Variants in ZAP70 observed in about 807,000 individuals in gnomAD.
The protein encoded by ZAP70 is zeta chain of T cell receptor associated protein kinase 70.
ZAP70 carries 27 observed loss-of-function variants against 65.8 expected under a neutral mutation model. The ratio of observed to expected loss-of-function variants is 0.41; its 90% CI spans 0.30 to 0.57. The LOEUF is 0.57. Ranked by LOEUF, ZAP70 falls within the 20% of genes least tolerant of loss-of-function variation. ZAP70 has a pLI of 0.28. For missense variants in ZAP70, 696 were observed against 870.5 expected (o/e 0.80, Z 2.52); for synonymous variants, 363 against 360.8 (o/e 1.01, Z -0.07).
chr2:97,729,273 G>A (rs1283027590), intron 4 of ZAP70, among the ~76,000 whole-genome samples: 1 of 152,240 alleles, frequency 6.6e-6, no homozygotes, highest in Non-Finnish European at 1.5e-5. Context: ...CCGAGGCACA[G>A]CGAGGATAAG....
In ZAP70 at chr2:97,739,455, G is replaced by T; in HGVS notation, c.1817G>T (p.Gly606Val). 3 of 1,613,762 alleles carry T rather than the reference G, an allele frequency of 1.9e-6. No individual in the cohort carries two copies. Among genetic ancestry groups the T allele is most frequent in the Non-Finnish European group, 2.5e-6 (3 of 1,179,938 alleles). Residue 606 changes from glycine to valine, a missense_variant, in exon 14 of 14, where the codon GGG becomes GTG. By Grantham distance (109) the Gly-to-Val change is moderately radical (BLOSUM62 -3). This residue lies in a region of ZAP70 where 78 missense variants were observed against 88.6 expected (regional missense o/e 0.88). Coordinates refer to ENST00000264972, the MANE Select transcript of ZAP70 (RefSeq NM_001079.4). ...CYYSLASKVEGPPGSTQKAEA... is the reference protein window; with the variant it reads ...CYYSLASKVEVPPGSTQKAEA... ...TACAGCCTGGCCAGCAAGGTGGAAG[G>T]GCCCCCAGGCAGCACACAGAAGGCT...
downstream of ZAP70, among the ~76,000 whole-genome samples, chr2:97,742,546 G>A (rs1188361236): frequency 6.6e-6 from 1 of 152,228 alleles, no homozygotes; most frequent in Non-Finnish European, 1.5e-5. Flanking sequence ...TTCCTGTTCT[G>A]CTTCCATTCA....
intron 4 of ZAP70, among the ~76,000 whole-genome samples, chr2:97,730,223 G>C (rs1366203081): frequency 3.9e-5 from 6 of 152,108 alleles, no homozygotes; most frequent in African/African-American, 1.4e-4. Flanking sequence ...GCAAAACTCT[G>C]TCCCAAACAA....
At chr2:97,749,407 C>T in the ZAP70 span, among the ~76,000 whole-genome samples, 3 of 152,078 alleles carry the variant, frequency 2.0e-5, no homozygotes, top group Non-Finnish European at 2.9e-5. Context: ...CCCAAAAGGA[C>T]GTTTATAGAG....
chr2:97,721,442 C>A (rs1383666650), intron 2 of ZAP70, among the ~76,000 whole-genome samples: 3 of 152,112 alleles, frequency 2.0e-5, no homozygotes, highest in Non-Finnish European at 4.4e-5. Context: ...GAGACAGAGT[C>A]TCACTCTGTC....
chr2:97,721,261 C>T (rs1021404785), intron 2 of ZAP70, among the ~76,000 whole-genome samples: 1 of 152,214 alleles, frequency 6.6e-6, no homozygotes, highest in African/African-American at 2.4e-5. Context: ...AGTTTGCCTA[C>T]TTGTTAAATT....
At chr2:97,729,296 G>A (rs981432929) in intron 4 of ZAP70, among the ~76,000 whole-genome samples, 2 of 152,146 alleles carry the variant, frequency 1.3e-5, no homozygotes, top group Non-Finnish European at 2.9e-5. Context: ...GTTTATTCAG[G>A]GTTTCACAGA....
chr2:97,733,144 T>C lies in ZAP70; in HGVS notation c.722T>C (p.Leu241Pro). The part of the protein sequence containing the change: ...TLWQLVEYLK[L>P]KADGLIYCLK... ...CTGCAGCTGGTGGAGTATCTGAAGCTGAAGGCGGACGGGCTCATCTACTGC... is the reference window on the plus strand; with the variant it reads ...CTGCAGCTGGTGGAGTATCTGAAGCCGAAGGCGGACGGGCTCATCTACTGC... Residue 241 changes from leucine (L) to proline (P), a missense_variant, in exon 6 of 14, where the codon CTG (leucine) becomes CCG (proline). By Grantham distance (98) the Leu-to-Pro change is moderately conservative (BLOSUM62 -3). This residue lies in a region of ZAP70 where 551 missense variants were observed against 630.0 expected (regional missense o/e 0.87). Coordinates refer to ENST00000264972, the MANE Select transcript of ZAP70 (RefSeq NM_001079.4). The C allele has an allele frequency of 1.2e-6, 2 of 1,613,948 alleles. No homozygotes were observed. Among genetic ancestry groups the C allele is most frequent in the Non-Finnish European group, 8.5e-7 (1 of 1,180,010 alleles).
rs745937123 is a variant in ZAP70, at chr2:97,737,507, C to T, written c.1324C>T (p.Leu442=). The change falls in exon 11 of 14, where the codon CTG becomes TTG. Residue 442 remains leucine, a synonymous_variant. Transcript: ENST00000264972. This position sits in a 1 kb window ranked among gnomAD's most constrained non-coding sequence, Gnocchi z 5.0. ...EIPVSNVAEL[L]HQVSMGMKYL... ...CCCTGTGAGCAATGTGGCCGAGCTGCTGCACCAGGTGTCCATGGGGATGAA... is the reference window on the plus strand; with the variant it reads ...CCCTGTGAGCAATGTGGCCGAGCTGTTGCACCAGGTGTCCATGGGGATGAA... 8.7e-6 allele frequency: 14 copies of T among 1,614,028 alleles called. No individual in the cohort carries two copies. The highest frequency in any genetic ancestry group is 1.2e-5 in the Non-Finnish European group (14 of 1,179,986).
Position 97,715,409 on chromosome 2 carries a change from C to CT in ZAP70, c.-22+1415_-22+1416insT, listed in dbSNP as rs1314661917. 6.6e-6 allele frequency among the ~76,000 whole-genome samples: 1 copy of CT among 152,220 alleles called. No homozygotes were observed. Among genetic ancestry groups the CT allele is most frequent in the Non-Finnish European group, 1.5e-5 (1 of 68,042 alleles). The stretch of plus-strand genomic sequence containing the variant: ...TATCAGCCCCTATCCTCCTGACTCA[C>CT]ACCGCCTTTTCCCATCTCCCTTTTA... On this transcript the variant is annotated intron_variant, in intron 2 of 13. Transcript: ENST00000264972. The surrounding 1 kb of genome is among the most constrained non-coding windows in gnomAD (Gnocchi z 4.1).
chr2:97,749,085 C>T, the ZAP70 span, among the ~76,000 whole-genome samples: 2 of 149,496 alleles, frequency 1.3e-5, no homozygotes, highest in South Asian at 4.3e-4. Context: ...TCTCGGCTCA[C>T]TGCAAGCTCC....
rs1046235577 is a variant in ZAP70, at chr2:97,722,254, G to A, written c.-21-1762G>A. ...CGCCACCACCTCTGGCTAATTTTTT[G>A]TATTTATGGTGGAGACGGGGTTTCA... On this transcript the variant is annotated intron_variant, in intron 2 of 13. Coordinates refer to ENST00000264972, the MANE Select transcript of ZAP70 (RefSeq NM_001079.4). 2.0e-5 allele frequency among the ~76,000 whole-genome samples: 3 copies of A among 151,610 alleles called. No homozygotes were observed. In the East Asian group the frequency reaches 5.8e-4, roughly 30 times the overall value.
chr2:97,735,363 T>C lies in ZAP70; in HGVS notation c.1196T>C (p.Val399Ala). The C allele has an allele frequency of 6.2e-7, 1 of 1,614,082 alleles. No individual in the cohort carries two copies. Among genetic ancestry groups the C allele is most frequent in the Admixed American group, 1.7e-5 (1 of 60,028 alleles). Residue 399 changes from valine to alanine, a missense_variant, in exon 10 of 14, where the codon GTG becomes GCG. By Grantham distance (64) the Val-to-Ala change is moderately conservative. This residue lies in a region of ZAP70 where 551 missense variants were observed against 630.0 expected (regional missense o/e 0.87). Transcript: ENST00000264972. ...IMHQLDNPYIVRLIGVCQAEA... is the reference protein window; with the variant it reads ...IMHQLDNPYIARLIGVCQAEA... ...CACCAGCTGGACAACCCCTACATCG[T>C]GCGGCTCATTGGCGTCTGCCAGGCC...
chr2:97,717,640 A>C (rs1676992044), intron 2 of ZAP70, among the ~76,000 whole-genome samples: 1 of 152,232 alleles, frequency 6.6e-6, no homozygotes, highest in Non-Finnish European at 1.5e-5. Flanking sequence ...GTGAAACAGT[A>C]GACCTTCAAG....
chr2:97,733,695 G>C, intron 8 of ZAP70, 100 bp downstream of exon 8: 1 of 1,482,530 alleles, frequency 6.7e-7, no homozygotes, highest in East Asian at 2.3e-5. Context: ...GCTGTGGGCC[G>C]GGCCAGGCTG....
chr2:97,717,274 G>A (rs1413883202), intron 2 of ZAP70, among the ~76,000 whole-genome samples: 2 of 152,056 alleles, frequency 1.3e-5, no homozygotes, highest in Non-Finnish European at 2.9e-5. Flanking sequence ...AGGAGGAGGT[G>A]GGGCGGTGAG....
the ZAP70 span, among the ~76,000 whole-genome samples, chr2:97,749,654 G>A: frequency 6.6e-6 from 1 of 152,234 alleles, no homozygotes; most frequent in Non-Finnish European, 1.5e-5. Flanking sequence ...GTGGTGCTTT[G>A]TGGGCATAGG....
intron 7 of ZAP70, 50 bp downstream of exon 7, chr2:97,733,393 G>A (rs1418965978): frequency 6.3e-7 from 1 of 1,590,212 alleles, no homozygotes. Context: ...GCTGGGGAGT[G>A]GCTGTGGGGG....
chr2:97,738,264 G>A, intron 13 of ZAP70, 157 bp downstream of exon 13: 1 of 734,104 alleles, frequency 1.4e-6, no homozygotes, highest in Non-Finnish European at 2.3e-6. Flanking sequence ...CCCACACCCA[G>A]CTCTCCAACA....
Sources: gnomAD v4.1 joint callset for allele counts (sites outside exome capture counted in the v4.1 genomes callset) on GRCh38, gnomAD v4.1.1 for gene constraint, gnomAD v4.1.1 regional missense constraint, Gnocchi (gnomAD v3.1) non-coding constraint, MANE v1.5 for transcripts, NCBI Gene and HGNC (gene_info 2026-07-23, HGNC 2026-07-21) for gene names.